Variants in NFATC1 observed in about 807,000 individuals in gnomAD.
The protein encoded by NFATC1 is nuclear factor of activated T-cells, cytoplasmic 1.
NFATC1 carries 22 observed loss-of-function variants against 76.0 expected under a neutral mutation model. The observed-to-expected ratio is 0.29, with a 90% confidence interval of 0.21 to 0.41. The LOEUF is 0.41. NFATC1 is among the 10% of genes least tolerant of loss of function. The pLI is 1.00. For synonymous variants in NFATC1, 704 were observed against 613.1 expected, an observed-to-expected ratio of 1.15 and a Z score of -2.19; for missense variants, 1,357 against 1,337.7, an observed-to-expected ratio of 1.01 and a Z score of -0.23.
chr18:79,435,327 GTTTGT>G (rs1207275449), intron 3 of NFATC1, among the ~76,000 whole-genome samples: 9 of 50,658 alleles, frequency 1.8e-4, no homozygotes, highest in Non-Finnish European at 2.8e-4. Context: ...TGAGGTTTCT[GTTTGT>G]TTTGTTTTTT....
intron 8 of NFATC1, among the ~76,000 whole-genome samples, chr18:79,472,299 G>A (rs2088819542): frequency 6.6e-6 from 1 of 152,152 alleles, no homozygotes; most frequent in South Asian, 2.1e-4. Flanking sequence ...CGTGGCCCAG[G>A]CCCTCAGTAA....
chr18:79,424,143 G>C (rs775856040), intron 2 of NFATC1, among the ~76,000 whole-genome samples: 1 of 152,250 alleles, frequency 6.6e-6, no homozygotes, highest in Admixed American at 6.5e-5. Flanking sequence ...TGAAGGCTGC[G>C]TCCAGCGGCC....
intron 8 of NFATC1, among the ~76,000 whole-genome samples, chr18:79,484,763 C>T (rs1188246671): frequency 1.3e-5 from 2 of 152,220 alleles, no homozygotes; most frequent in Admixed American, 1.3e-4. Flanking sequence ...TGGGTCAGTC[C>T]CTGTGATGCC....
At chr18:79,425,675 C>T (rs1184031329) in intron 2 of NFATC1, among the ~76,000 whole-genome samples, 1 of 150,922 alleles carries the variant, frequency 6.6e-6, no homozygotes, top group Non-Finnish European at 1.5e-5. Flanking sequence ...GGAGTCGGGG[C>T]GACTCATGAG....
At chr18:79,477,522 C>T (rs2089123117) in intron 8 of NFATC1, among the ~76,000 whole-genome samples, 1 of 152,118 alleles carries the variant, frequency 6.6e-6, no homozygotes, top group Admixed American at 6.5e-5. Context: ...GGCACTGTCT[C>T]AGTCTTTGGG....
intron 2 of NFATC1, among the ~76,000 whole-genome samples, chr18:79,425,486 C>T (rs1287917856): frequency 6.6e-6 from 1 of 152,206 alleles, no homozygotes; most frequent in Non-Finnish European, 1.5e-5. Context: ...TGTCTGGAAA[C>T]TGCAGGAGTC....
chr18:79,481,412 T>A (rs1048896433), intron 8 of NFATC1, among the ~76,000 whole-genome samples: 1 of 152,242 alleles, frequency 6.6e-6, no homozygotes, highest in Non-Finnish European at 1.5e-5. Context: ...GGCCCAGATA[T>A]TCAATTTTCT....
intron 1 of NFATC1, chr18:79,400,602 G>C: frequency 1.2e-6 from 1 of 811,528 alleles, no homozygotes; most frequent in Non-Finnish European, 1.7e-6. Flanking sequence ...GCCCGGGACC[G>C]AGGGGCTACG....
intron 1 of NFATC1, among the ~76,000 whole-genome samples, chr18:79,406,620 C>T (rs973316599): frequency 5.3e-5 from 8 of 152,170 alleles, no homozygotes; most frequent in African/African-American, 1.2e-4. Context: ...AGTTCCTGGG[C>T]CGGTGTATGT....
intron 9 of NFATC1, among the ~76,000 whole-genome samples, chr18:79,499,190 G>A (rs1422549838): frequency 6.6e-6 from 1 of 152,220 alleles, no homozygotes; most frequent in Non-Finnish European, 1.5e-5. Flanking sequence ...CAATTTGTGT[G>A]ACAGTAGCAC....
chr18:79,425,201 C>CTGTG (rs1466965545), intron 2 of NFATC1, among the ~76,000 whole-genome samples: 2 of 91,048 alleles, frequency 2.2e-5, no homozygotes, highest in East Asian at 3.0e-4. Context: ...CTCTCTGTTT[C>CTGTG]TCTCCCTGTC....
chr18:79,433,242 C>CA (rs901944597), intron 2 of NFATC1, among the ~76,000 whole-genome samples: 12 of 152,228 alleles, frequency 7.9e-5, no homozygotes, highest in African/African-American at 2.9e-4. Flanking sequence ...TCTTAGGCCA[C>CA]AGCCCATCCC....
intron 8 of NFATC1, 148 bp from the exon 9 acceptor site, chr18:79,486,100 T>G (rs1395087251): frequency 1.4e-6 from 1 of 713,500 alleles, no homozygotes; most frequent in African/African-American, 1.8e-5. Flanking sequence ...ACGCCTTTTT[T>G]TTTTAATGGG....
chr18:79,440,642 A>G (rs1012962612), intron 3 of NFATC1, among the ~76,000 whole-genome samples: 2 of 152,192 alleles, frequency 1.3e-5, no homozygotes, highest in African/African-American at 4.8e-5. Flanking sequence ...GCTGTGACCC[A>G]GCTGGGTTCT....
intron 9 of NFATC1, among the ~76,000 whole-genome samples, chr18:79,518,319 AC>A (rs908054886): frequency 9.2e-5 from 14 of 152,242 alleles, no homozygotes; most frequent in Non-Finnish European, 5.9e-5. Flanking sequence ...GAAGGACAAC[AC>A]TAATGTCCCC....
intron 8 of NFATC1, chr18:79,470,113 T>C: frequency 1.9e-6 from 1 of 519,930 alleles, no homozygotes; most frequent in Non-Finnish European, 2.5e-6. Flanking sequence ...AGGACCTGCG[T>C]CCTCCGTGCT....
At chr18:79,481,494 GC>G (rs1425579975) in intron 8 of NFATC1, among the ~76,000 whole-genome samples, 2 of 152,244 alleles carry the variant, frequency 1.3e-5, no homozygotes, top group Non-Finnish European at 2.9e-5. Context: ...CCCCTGACTT[GC>G]ACAGGCAGTC....
chr18:79,525,757 T>C (rs1282899526), intron 9 of NFATC1, among the ~76,000 whole-genome samples: 3 of 152,210 alleles, frequency 2.0e-5, no homozygotes, highest in African/African-American at 4.8e-5. Flanking sequence ...TCTTCATGCA[T>C]TGGGCAGCCT....
Position 79,411,483 on chromosome 18 carries a change from C to G in NFATC1, c.1208C>G (p.Ser403Cys), listed in dbSNP as rs747406753. The stretch of plus-strand genomic sequence containing the variant: ...CAGTGGGCGAAGCCCAAGCCCCTGT[C>G]CCCTACGTCCTACATGAGGTGAGCC... ...PYQWAKPKPL[S>C]PTSYMSPTLP... The change falls in exon 2 of 10, where the codon TCC (serine) becomes TGC (cysteine). Residue 403 changes from serine (S) to cysteine (C), a missense_variant. Around this residue, in one of 3 missense-constraint regions of NFATC1, gnomAD observed 691 missense variants for 613.1 expected, o/e 1.13. Coordinates refer to ENST00000427363, the MANE Select transcript of NFATC1 (RefSeq NM_001278669.2). 6.6e-7 allele frequency: 1 copy of G among 1,507,918 alleles called. No individual in the cohort carries two copies. Among genetic ancestry groups the G allele is most frequent in the African/African-American group, 1.4e-5 (1 of 71,222 alleles). The allele number at this position is 1,507,918 out of a possible 1,614,324, so 93.4% of individuals were successfully genotyped here.
Sources: gnomAD v4.1 joint callset for allele counts (sites outside exome capture counted in the v4.1 genomes callset) on GRCh38, gnomAD v4.1.1 for gene constraint, gnomAD v4.1.1 regional missense constraint, MANE v1.5 for transcripts, NCBI Gene and HGNC (gene_info 2026-07-23, HGNC 2026-07-21) for gene names.